The following FILIP1L variants were observed in gnomAD, a reference collection of about 807,000 sequenced individuals.
The protein encoded by FILIP1L is filamin A interacting protein 1 like, also known as filamin A-interacting protein 1-like.
In FILIP1L, 55 loss-of-function variants were observed where a neutral mutation model predicts 96.6. The ratio of observed to expected loss-of-function variants is 0.57; its 90% CI spans 0.46 to 0.71. The LOEUF (loss-of-function observed/expected upper bound fraction) is 0.71, where lower values mean the gene tolerates loss of function less well. Ranked by LOEUF, FILIP1L falls within the 30% of genes least tolerant of loss-of-function variation. The pLI is 0.00. For missense variants in FILIP1L, 1,304 were observed against 1,321.2 expected (o/e 0.99, Z 0.20); for synonymous variants, 467 against 473.9 (o/e 0.99, Z 0.19).
At chr3:100,062,146 C>G (rs1450804749) in intron 1 of FILIP1L, among the ~76,000 whole-genome samples, 2 of 102,406 alleles carry the variant, frequency 2.0e-5, no homozygotes. Flanking sequence ...GAGTGTTGCT[C>G]TGTCCCCCAG....
At chr3:100,104,286 C>T (rs545326495) in intron 1 of FILIP1L, among the ~76,000 whole-genome samples, 1 of 152,318 alleles carries the variant, frequency 6.6e-6, no homozygotes, top group South Asian at 2.1e-4. Flanking sequence ...TCACCCTGAC[C>T]TCTGCCTGAA....
chr3:99,962,692 A>G (rs1708530293), intron 1 of FILIP1L, among the ~76,000 whole-genome samples: 1 of 152,202 alleles, frequency 6.6e-6, no homozygotes, highest in Admixed American at 6.5e-5. Flanking sequence ...TAAGAAATAG[A>G]ATGTCCACAT....
intron 1 of FILIP1L, among the ~76,000 whole-genome samples, chr3:99,932,875 G>GT (rs1031673650): frequency 3.2e-4 from 49 of 152,264 alleles, no homozygotes; most frequent in African/African-American, 1.2e-3. Flanking sequence ...GGGTGACAGA[G>GT]TAAGACTCTG....
At chr3:99,873,061 G>A (rs1410516441) in intron 4 of FILIP1L, among the ~76,000 whole-genome samples, 1 of 152,126 alleles carries the variant, frequency 6.6e-6, no homozygotes, top group Non-Finnish European at 1.5e-5. Flanking sequence ...AGCCATAGGA[G>A]GTTCTAAAAG....
At chr3:99,869,374 C>A (rs1944675088) in intron 4 of FILIP1L, among the ~76,000 whole-genome samples, 1 of 152,164 alleles carries the variant, frequency 6.6e-6, no homozygotes, top group Non-Finnish European at 1.5e-5. Context: ...AAGTTACTCT[C>A]ACTTTTATTT....
intron 4 of FILIP1L, among the ~76,000 whole-genome samples, chr3:99,884,769 A>G (rs958926625): frequency 1.3e-5 from 2 of 152,250 alleles, no homozygotes; most frequent in Non-Finnish European, 2.9e-5. Context: ...TTTTTGTACA[A>G]TTTAACCATT....
chr3:100,012,034 T>C (rs552519854), intron 1 of FILIP1L, among the ~76,000 whole-genome samples: 68 of 152,226 alleles, frequency 4.5e-4, no homozygotes, highest in Admixed American at 1.1e-3. Flanking sequence ...TGGATTTCTT[T>C]TGAAAACCTT....
intron 4 of FILIP1L, among the ~76,000 whole-genome samples, chr3:99,858,973 A>C (rs1278052023): frequency 6.6e-6 from 1 of 152,246 alleles, no homozygotes; most frequent in Non-Finnish European, 1.5e-5. Flanking sequence ...TTCCATCATT[A>C]ATAAAGCCAG....
intron 1 of FILIP1L, among the ~76,000 whole-genome samples, chr3:100,047,552 C>T (rs1277359376): frequency 6.6e-6 from 1 of 152,158 alleles, no homozygotes; most frequent in Non-Finnish European, 1.5e-5. Context: ...TAAGTGGCCA[C>T]AAATAAAACA....
intron 1 of FILIP1L, among the ~76,000 whole-genome samples, chr3:100,108,091 C>T (rs1242856643): frequency 6.6e-6 from 1 of 152,054 alleles, no homozygotes; most frequent in Admixed American, 6.6e-5. Context: ...TGGTTCTTAA[C>T]TTAGGGTCCC....
chr3:99,836,680 A>C (rs920680319), intron 5 of FILIP1L, among the ~76,000 whole-genome samples: 4 of 152,164 alleles, frequency 2.6e-5, no homozygotes, highest in African/African-American at 9.7e-5. Context: ...TAATGATAAG[A>C]ATATAACTAG....
chr3:99,893,055 G>C (rs1706136166), intron 4 of FILIP1L, among the ~76,000 whole-genome samples: 2 of 151,834 alleles, frequency 1.3e-5, no homozygotes, highest in Admixed American at 1.3e-4. Context: ...ATGATGCTCT[G>C]TGTGTCTGTT....
intron 1 of FILIP1L, among the ~76,000 whole-genome samples, chr3:100,088,843 A>G (rs2066056195): frequency 6.6e-6 from 1 of 152,004 alleles, no homozygotes; most frequent in South Asian, 2.1e-4. Context: ...TTCTCTGGGT[A>G]GTATTTATTT....
intron 1 of FILIP1L, among the ~76,000 whole-genome samples, chr3:100,108,367 A>G (rs915043535): frequency 6.6e-6 from 1 of 152,174 alleles, no homozygotes; most frequent in African/African-American, 2.4e-5. Context: ...TTGAGCACTT[A>G]TGTGTCACTA....
intron 1 of FILIP1L, among the ~76,000 whole-genome samples, chr3:99,959,291 A>G (rs892589484): frequency 1.3e-4 from 20 of 152,194 alleles, no homozygotes; most frequent in African/African-American, 4.1e-4. Flanking sequence ...TTGGGATTAC[A>G]GATGTGCAGC....
intron 1 of FILIP1L, among the ~76,000 whole-genome samples, chr3:99,960,915 G>A (rs1271428401): frequency 3.9e-5 from 6 of 152,174 alleles, no homozygotes; most frequent in African/African-American, 1.4e-4. Flanking sequence ...CCAACAAAGT[G>A]AAATGTAAAA....
chr3:100,036,407 T>C (rs1194374021), intron 1 of FILIP1L, among the ~76,000 whole-genome samples: 1 of 152,188 alleles, frequency 6.6e-6, no homozygotes. Flanking sequence ...CAGAGTTGGC[T>C]TGAAAGGACT....
At chr3:100,049,218 A>G (rs2065329242) in intron 1 of FILIP1L, among the ~76,000 whole-genome samples, 1 of 152,218 alleles carries the variant, frequency 6.6e-6, no homozygotes, top group Non-Finnish European at 1.5e-5. Context: ...AAACGTGGCA[A>G]TAAATCATGG....
intron 1 of FILIP1L, among the ~76,000 whole-genome samples, chr3:100,057,710 TCATAAATGCATG>T (rs2065489108): frequency 6.6e-6 from 1 of 152,284 alleles, no homozygotes; most frequent in Admixed American, 6.5e-5. Context: ...CCCGGGTGTT[TCATAAATGCATG>T]CATTTGGTCG....
Sources: gnomAD v4.1 joint callset for allele counts (sites outside exome capture counted in the v4.1 genomes callset) on GRCh38, gnomAD v4.1.1 for gene constraint, MANE v1.5 for transcripts, NCBI Gene and HGNC (gene_info 2026-07-23, HGNC 2026-07-21) for gene names.